PEX5L: variants seen among roughly 807,000 people sequenced by gnomAD.
PEX5L encodes the protein PEX5-related protein.
Under a neutral mutation model 84.0 loss-of-function variants are expected in PEX5L, and 30 were observed. The observed-to-expected ratio is 0.36, with a 90% CI of 0.27 to 0.48. The LOEUF (loss-of-function observed/expected upper bound fraction) is 0.48, where lower values mean the gene tolerates loss of function less well. Ranked by LOEUF, PEX5L falls within the 20% of genes least tolerant of loss-of-function variation. The pLI is 0.99. For synonymous variants in PEX5L, 270 were observed against 283.1 expected (o/e 0.95, Z 0.46); for missense variants, 533 against 754.6 (o/e 0.71, Z 3.44).
chr3:179,817,859 G>A (rs1161902653), intron 9 of PEX5L, among the ~76,000 whole-genome samples: 2 of 152,330 alleles, frequency 1.3e-5, no homozygotes, highest in Admixed American at 1.3e-4. Context: ...CTGGGAGTAA[G>A]GGGCTATGGA....
At chr3:179,943,710 TG>T (rs1223479979) in intron 2 of PEX5L, among the ~76,000 whole-genome samples, 2 of 152,222 alleles carry the variant, frequency 1.3e-5, no homozygotes, top group East Asian at 3.9e-4. Flanking sequence ...GGCCCGCTGC[TG>T]TCATTATATA....
intron 3 of PEX5L, among the ~76,000 whole-genome samples, chr3:179,894,071 A>T (rs966660758): frequency 1.3e-5 from 2 of 151,970 alleles, no homozygotes; most frequent in Non-Finnish European, 2.9e-5. Context: ...ACTCTGTGAC[A>T]TTGTTAATTT....
chr3:179,871,087 C>G lies in PEX5L; in HGVS notation c.726+3240G>C, dbSNP rs1475948011. ...ACATCTCCTTGATTTTCCTGTGAAC[C>G]ATTTGAGTTATACTTTTTTTTTTTT... On this transcript the variant is annotated intron_variant, in intron 7 of 14. Coordinates refer to ENST00000467460, the MANE Select transcript of PEX5L (RefSeq NM_016559.3). 2.0e-5 allele frequency among the ~76,000 whole-genome samples: 3 copies of G among 147,948 alleles called. No homozygotes were observed. The East Asian group carries it at 5.9e-4, about 29-fold the overall frequency.
At chr3:179,807,531 C>T in intron 14 of PEX5L, 143 bp downstream of exon 14, 1 of 722,466 alleles carries the variant, frequency 1.4e-6, no homozygotes, top group South Asian at 2.1e-5. Context: ...GCCTTGGGAT[C>T]TGAAGGCTCC....
chr3:179,854,941 A>T (rs1743337478), intron 8 of PEX5L, among the ~76,000 whole-genome samples: 2 of 152,246 alleles, frequency 1.3e-5, no homozygotes, highest in Admixed American at 1.3e-4. Context: ...ATGCAATGGC[A>T]ATTGAGTGAT....
chr3:179,806,845 G>C (rs566124894), intron 14 of PEX5L, among the ~76,000 whole-genome samples: 1 of 152,304 alleles, frequency 6.6e-6, no homozygotes, highest in African/African-American at 2.4e-5. Flanking sequence ...ACATGGCAGA[G>C]CTGTGATTTT....
intron 2 of PEX5L, among the ~76,000 whole-genome samples, chr3:179,934,028 C>T (rs1233473577): frequency 6.6e-6 from 1 of 152,180 alleles, no homozygotes; most frequent in Non-Finnish European, 1.5e-5. Context: ...AACGGATATC[C>T]TCTCTGACAA....
chr3:179,843,553 A>G (rs1448032121), intron 8 of PEX5L, among the ~76,000 whole-genome samples: 1 of 152,260 alleles, frequency 6.6e-6, no homozygotes, highest in Non-Finnish European at 1.5e-5. Flanking sequence ...ATATTTTAAG[A>G]AAACAAGCAA....
chr3:179,951,752 A>G (rs1032925282), intron 2 of PEX5L, among the ~76,000 whole-genome samples: 2 of 152,178 alleles, frequency 1.3e-5, no homozygotes, highest in African/African-American at 4.8e-5. Flanking sequence ...TTGTTTATAT[A>G]TGAATTTTGT....
chr3:179,838,435 C>T (rs992625798), intron 8 of PEX5L, among the ~76,000 whole-genome samples: 2 of 152,182 alleles, frequency 1.3e-5, no homozygotes, highest in African/African-American at 4.8e-5. Flanking sequence ...TATAGCTTCT[C>T]TTAAACAAAT....
At chr3:179,944,229 A>G (rs1379354057) in intron 2 of PEX5L, among the ~76,000 whole-genome samples, 1 of 152,220 alleles carries the variant, frequency 6.6e-6, no homozygotes, top group East Asian at 1.9e-4. Flanking sequence ...ATTAACTCAG[A>G]TGATAGCAGA....
At chr3:179,987,660 C>A (rs1165484665) in intron 1 of PEX5L, among the ~76,000 whole-genome samples, 1 of 152,150 alleles carries the variant, frequency 6.6e-6, no homozygotes, top group Admixed American at 6.5e-5. Flanking sequence ...AATCCTCCTA[C>A]CCCCAACCTT....
At chr3:179,975,273 G>C (rs1339941902) in intron 1 of PEX5L, among the ~76,000 whole-genome samples, 1 of 152,122 alleles carries the variant, frequency 6.6e-6, no homozygotes, top group Non-Finnish European at 1.5e-5. Flanking sequence ...TTGCAAGTAA[G>C]TAACACAACA....
At chr3:179,912,069 T>C (rs940566119) in intron 2 of PEX5L, among the ~76,000 whole-genome samples, 1 of 152,160 alleles carries the variant, frequency 6.6e-6, no homozygotes, top group Non-Finnish European at 1.5e-5. Flanking sequence ...GTTTAGTTCA[T>C]AAAGGTATTG....
At chr3:179,957,632 T>C (rs1050970007) in intron 2 of PEX5L, among the ~76,000 whole-genome samples, 5 of 152,214 alleles carry the variant, frequency 3.3e-5, no homozygotes, top group African/African-American at 4.8e-5. Context: ...CACAGAAATA[T>C]ACTCCCATAA....
At chr3:179,846,817 T>G (rs1379280886) in intron 8 of PEX5L, among the ~76,000 whole-genome samples, 1 of 152,094 alleles carries the variant, frequency 6.6e-6, no homozygotes, top group East Asian at 1.9e-4. Flanking sequence ...GGCCTTCAGA[T>G]TTAGACTGAG....
At chr3:180,026,756 A>C (rs1486240792) in intron 1 of PEX5L, among the ~76,000 whole-genome samples, 1 of 152,172 alleles carries the variant, frequency 6.6e-6, no homozygotes, top group Non-Finnish European at 1.5e-5. Context: ...TTCAACTCTT[A>C]TCTCTCAAGC....
At chr3:179,825,487 A>C (rs1045679417) in intron 8 of PEX5L, among the ~76,000 whole-genome samples, 1 of 152,284 alleles carries the variant, frequency 6.6e-6, no homozygotes, top group East Asian at 1.9e-4. Context: ...TGATTTACTG[A>C]GCCAAACGGG....
At chr3:180,029,311 G>T (rs1183521597) in intron 1 of PEX5L, among the ~76,000 whole-genome samples, 1 of 152,106 alleles carries the variant, frequency 6.6e-6, no homozygotes, top group Non-Finnish European at 1.5e-5. Context: ...TTAGAGGCAT[G>T]AGCCACCTCT....
Sources: allele counts gnomAD v4.1 joint callset (sites outside exome capture counted in the v4.1 genomes callset), GRCh38; gene constraint gnomAD v4.1.1; transcripts MANE v1.5; gene names NCBI Gene and HGNC (gene_info 2026-07-23, HGNC 2026-07-21).